ZSCAN25: variants seen among roughly 807,000 people sequenced by gnomAD.
ZSCAN25 encodes the protein zinc finger and SCAN domain containing 25, also known as zinc finger and SCAN domain-containing protein 25.
In ZSCAN25, 27 loss-of-function variants were observed where a neutral mutation model predicts 38.7. The ratio of observed to expected loss-of-function variants is 0.70; its 90% CI spans 0.51 to 0.96. ZSCAN25 has a LOEUF of 0.96. Ranked by LOEUF, ZSCAN25 falls within the 40% of genes least tolerant of loss-of-function variation. The pLI is 0.00. For missense variants in ZSCAN25, 637 were observed against 705.9 expected (o/e 0.90, Z 1.11); for synonymous variants, 273 against 277.7 (o/e 0.98, Z 0.17).
chr7:99,709,280 A>T, the ZSCAN25 span: 1 of 1,611,162 alleles, frequency 6.2e-7, no homozygotes, highest in South Asian at 1.1e-5. Context: ...AAAGAAACAG[A>T]TTTGGATAAA....
At chr7:99,717,282 A>C in the ZSCAN25 span, 2 of 1,613,770 alleles carry the variant, frequency 1.2e-6, no homozygotes, top group East Asian at 2.2e-5. Context: ...ACAAAACACA[A>C]CACCACCCAT....
the ZSCAN25 span, among the ~76,000 whole-genome samples, chr7:99,657,541 G>A: frequency 6.6e-6 from 1 of 152,210 alleles, no homozygotes; most frequent in South Asian, 2.1e-4. Context: ...GTGTGGTGCT[G>A]AAAAGAATGT....
At chr7:99,721,469 A>G in the ZSCAN25 span, among the ~76,000 whole-genome samples, 3 of 152,212 alleles carry the variant, frequency 2.0e-5, no homozygotes, top group African/African-American at 7.2e-5. Context: ...ATTTATGAGC[A>G]CATATTCGAA....
the ZSCAN25 span, chr7:99,705,403 G>A: frequency 8.8e-6 from 12 of 1,361,220 alleles, 1 homozygote; most frequent in East Asian, 7.1e-5. Flanking sequence ...GATGAAGCCC[G>A]TCTTCATTTC....
the ZSCAN25 span, chr7:99,695,986 A>T: frequency 9.0e-6 from 6 of 664,746 alleles, no homozygotes; most frequent in Non-Finnish European, 1.5e-5. Flanking sequence ...GACAGCAATG[A>T]TTATATTTGT....
the ZSCAN25 span, chr7:99,715,905 C>T: frequency 6.4e-5 from 103 of 1,613,736 alleles, no homozygotes; most frequent in Admixed American, 1.4e-3. Context: ...GCCCCAAAGA[C>T]GCTGAGTGGA....
the ZSCAN25 span, chr7:99,676,344 A>C: frequency 6.5e-7 from 1 of 1,547,296 alleles, no homozygotes. Context: ...CAACTCCAAC[A>C]TCAGTAATTG....
the ZSCAN25 span, chr7:99,730,646 G>A: frequency 1.0e-5 from 2 of 197,598 alleles, no homozygotes; most frequent in Non-Finnish European, 2.1e-5. Context: ...ATGAGCTCTT[G>A]CTACAGAGAG....
chr7:99,635,293 A>G (rs971794217), downstream of ZSCAN25, among the ~76,000 whole-genome samples: 1 of 152,112 alleles, frequency 6.6e-6, no homozygotes, highest in African/African-American at 2.4e-5. Flanking sequence ...ATTTACTTAT[A>G]TTAAACAAGA....
At chr7:99,676,406 CA>C in the ZSCAN25 span, 20 of 1,503,808 alleles carry the variant, frequency 1.3e-5, no homozygotes, top group East Asian at 5.1e-4. Context: ...TGAAAAGTCT[CA>C]ATGATTAGCT....
the ZSCAN25 span, chr7:99,672,834 GAC>G: frequency 6.9e-7 from 1 of 1,456,066 alleles, no homozygotes; most frequent in Non-Finnish European, 9.1e-7. Flanking sequence ...ATTAGGGTGT[GAC>G]ACACAGCAAG....
chr7:99,617,252 G>A lies in ZSCAN25; in HGVS notation c.-259+236G>A, dbSNP rs377513408. Among the ~76,000 whole-genome samples the A allele has an allele frequency of 7.0e-4, 107 of 152,342 alleles. 6 individuals are homozygous for A. Among genetic ancestry groups the A allele is most frequent in the East Asian group, 5.4e-3 (28 of 5,192 alleles). ...GCGCTGTAGGCTCAGGTAGGAGCGA[G>A]GCTGATCCCGCTCTGCCAGGCTTGG... On this transcript the variant is annotated intron_variant, in intron 1 of 7. Transcript: ENST00000394152.
the ZSCAN25 span, among the ~76,000 whole-genome samples, chr7:99,666,403 A>T: frequency 6.6e-6 from 1 of 152,200 alleles, no homozygotes; most frequent in Non-Finnish European, 1.5e-5. Context: ...TCCTGTGCAC[A>T]GGAGAGAAGG....
rs751205406 is a variant in ZSCAN25 at position 99,619,992 on chromosome 7, C to T, written c.386C>T (p.Ala129Val). The T allele has an allele frequency of 2.1e-5, 34 of 1,610,458 alleles. No homozygotes were observed. In the East Asian group the frequency reaches 3.3e-4, roughly 16 times the overall value. The change falls in exon 4 of 8, where the codon GCG (alanine) becomes GTG (valine). Residue 129 changes from alanine (A) to valine (V), a missense_variant and splice_region_variant. By Grantham distance (64) the Ala-to-Val change is moderately conservative. Coordinates refer to ENST00000394152, the MANE Select transcript of ZSCAN25 (RefSeq NM_145115.3). ...ACAGAAAGAGCACTGGAGGCCAAGG[C>T]GGTGGGTGAGGAGGGGATCCAGGTC... Reference protein sequence around the residue: ...DLTERALEAKAVPCHRQGEQE... With the variant: ...DLTERALEAKVVPCHRQGEQE...
intron 5 of ZSCAN25, 144 bp from the exon 6 acceptor site, chr7:99,622,405 T>C: frequency 1.4e-5 from 11 of 785,938 alleles, no homozygotes; most frequent in South Asian, 1.3e-4. Context: ...TGGGAAAGTG[T>C]GGTACCAGAG....
At chr7:99,736,906 G>A in the ZSCAN25 span, among the ~76,000 whole-genome samples, 1 of 152,174 alleles carries the variant, frequency 6.6e-6, no homozygotes. Context: ...GGACAGCCTA[G>A]TGAAGCAGGA....
the ZSCAN25 span, chr7:99,650,091 T>C: frequency 6.2e-7 from 1 of 1,614,068 alleles, no homozygotes; most frequent in Non-Finnish European, 8.5e-7. Context: ...CTTTACAAGG[T>C]TTGAAGGAGA....
Position 99,620,002 on chromosome 7 carries a change from G to A in ZSCAN25, c.387+9G>A. 1 of 1,606,788 alleles carries A rather than the reference G, an allele frequency of 6.2e-7. No individual in the cohort carries two copies. The highest frequency in any genetic ancestry group is 8.5e-7 in the Non-Finnish European group (1 of 1,177,554). On this transcript the variant is annotated intron_variant, in intron 4 of 7. Transcript: ENST00000394152. ...CACTGGAGGCCAAGGCGGTGGGTGA[G>A]GAGGGGATCCAGGTCTGGCGCCCTT...
the ZSCAN25 span, chr7:99,720,200 A>T: frequency 7.5e-7 from 1 of 1,325,266 alleles, no homozygotes; most frequent in Non-Finnish European, 1.1e-6. Context: ...GATGAAGTGT[A>T]CATGGAACCT....
Sources: gnomAD v4.1 joint callset for allele counts (sites outside exome capture counted in the v4.1 genomes callset) on GRCh38, gnomAD v4.1.1 for gene constraint, MANE v1.5 for transcripts, NCBI Gene and HGNC (gene_info 2026-07-23, HGNC 2026-07-21) for gene names.